MYLK4: variants seen among roughly 807,000 people sequenced by gnomAD.
MYLK4 encodes the protein myosin light chain kinase family member 4.
MYLK4 carries 46 observed loss-of-function variants against 48.1 expected under a neutral mutation model. The observed-to-expected ratio is 0.96, with a 90% CI of 0.75 to 1.22. The LOEUF is 1.22. Among genes scored for constraint, MYLK4 ranks in the 50% most tolerant of loss-of-function variants. MYLK4 has a pLI of 0.00. For synonymous variants in MYLK4, 170 were observed against 180.8 expected, an observed-to-expected ratio of 0.94 and a Z score of 0.48; for missense variants, 451 against 486.1, an observed-to-expected ratio of 0.93 and a Z score of 0.68.
the MYLK4 span, chr6:2,766,129 G>GGGCGAC: frequency 1.6e-5 from 21 of 1,325,648 alleles, no homozygotes; most frequent in East Asian, 3.1e-5. Flanking sequence ...AGGAGGCCGT[G>GGGCGAC]GGCGACGGCG....
chr6:2,685,620 G>C lies in MYLK4; in HGVS notation c.342-44C>G. 1 of 1,577,420 alleles carries C rather than the reference G, an allele frequency of 6.3e-7. No homozygotes were observed. Among genetic ancestry groups the C allele is most frequent in the Non-Finnish European group, 8.7e-7 (1 of 1,148,150 alleles). ...GGCGTAGCATGAGGCCCTGTGGTCA[G>C]CTGCCGAGTGGACAGCGCACAGTGG... On this transcript the variant is annotated intron_variant, in intron 4 of 12. Transcript: ENST00000274643. The surrounding 1 kb of genome is among the most constrained non-coding windows in gnomAD (Gnocchi z 4.5).
chr6:2,686,657 T>C (rs1761563888), intron 4 of MYLK4, among the ~76,000 whole-genome samples: 1 of 152,110 alleles, frequency 6.6e-6, no homozygotes, highest in Non-Finnish European at 1.5e-5. Context: ...ATGAAAGTCA[T>C]GGCAACGCTG....
chr6:2,715,906 TC>T (rs1403510549), intron 2 of MYLK4, among the ~76,000 whole-genome samples: 1 of 152,228 alleles, frequency 6.6e-6, no homozygotes, highest in African/African-American at 2.4e-5. Flanking sequence ...TGGGACCTGT[TC>T]CGTGCTGACC....
chr6:2,765,871 A>C, the MYLK4 span: 1 of 1,445,164 alleles, frequency 6.9e-7, no homozygotes, highest in Non-Finnish European at 9.1e-7. Flanking sequence ...TGAAGCAGCC[A>C]GCCACCCCGA....
At chr6:2,746,578 T>G (rs1311278640) in intron 2 of MYLK4, among the ~76,000 whole-genome samples, 1 of 152,228 alleles carries the variant, frequency 6.6e-6, no homozygotes, top group Non-Finnish European at 1.5e-5. Context: ...GAAACTGCAC[T>G]GCAAGCTTCC....
the MYLK4 span, chr6:2,765,549 G>A: frequency 7.3e-7 from 1 of 1,361,150 alleles, no homozygotes; most frequent in Admixed American, 3.8e-5. Context: ...GGGCCTAGCG[G>A]AGGGCATCGA....
At chr6:2,693,756 CTTTT>C (rs66817086) in intron 2 of MYLK4, among the ~76,000 whole-genome samples, 33 of 124,752 alleles carry the variant, frequency 2.6e-4, no homozygotes, top group Middle Eastern at 4.0e-3. Flanking sequence ...TGCAAATGTG[CTTTT>C]TTTTTTTTTT....
chr6:2,707,477 T>C (rs761948283), intron 2 of MYLK4, among the ~76,000 whole-genome samples: 3 of 152,192 alleles, frequency 2.0e-5, no homozygotes, highest in Non-Finnish European at 2.9e-5. Context: ...AATCGCAACA[T>C]GAAAAGTTCG....
Position 2,683,078 on chromosome 6 carries a change from C to T in MYLK4, c.630G>A (p.Gln210=), listed in dbSNP as rs367822894. 6.2e-7 allele frequency: 1 copy of T among 1,614,068 alleles called. No homozygotes were observed. The highest frequency in any genetic ancestry group is 1.3e-5 in the African/African-American group (1 of 74,922). Reference sequence around the variant, plus strand: ...GCATGTGCCTTATCCCCTCACATATCTGCTTCATGAACAGGATGGTATCAA... The same window carrying T: ...GCATGTGCCTTATCCCCTCACATATTTGCTTCATGAACAGGATGGTATCAA... ...TELDTILFMK[Q]ICEGIRHMHQ... The change falls in exon 7 of 13, where the codon CAG becomes CAA. Residue 210 remains glutamine (Q), a synonymous_variant. Coordinates refer to ENST00000274643, the MANE Select transcript of MYLK4 (RefSeq NM_001012418.5).
chr6:2,740,918 G>C (rs1385366523), intron 2 of MYLK4, among the ~76,000 whole-genome samples: 3 of 152,236 alleles, frequency 2.0e-5, no homozygotes, highest in Non-Finnish European at 4.4e-5. Context: ...TCCTGAGTCG[G>C]ATGTCCAGAG....
At chr6:2,729,578 G>A (rs1035217048) in intron 2 of MYLK4, among the ~76,000 whole-genome samples, 4 of 152,076 alleles carry the variant, frequency 2.6e-5, no homozygotes, top group African/African-American at 7.2e-5. Context: ...CCTGCCTGCC[G>A]CAGGGGGCCA....
At chr6:2,733,848 G>A (rs140352404) in intron 2 of MYLK4, among the ~76,000 whole-genome samples, 2 of 152,236 alleles carry the variant, frequency 1.3e-5, no homozygotes, top group East Asian at 1.9e-4. Flanking sequence ...CCGCGGAGAC[G>A]CTGCTTTGGT....
intron 11 of MYLK4, among the ~76,000 whole-genome samples, chr6:2,671,799 A>G (rs1369833427): frequency 2.6e-5 from 4 of 152,232 alleles, no homozygotes; most frequent in Non-Finnish European, 5.9e-5. Context: ...GAAGACAGAG[A>G]AAGAGTCTCC....
At chr6:2,767,239 G>A in the MYLK4 span, among the ~76,000 whole-genome samples, 1 of 152,206 alleles carries the variant, frequency 6.6e-6, no homozygotes, top group Non-Finnish European at 1.5e-5. Context: ...AAAAATGGAG[G>A]AGGTGAGCCA....
intron 2 of MYLK4, among the ~76,000 whole-genome samples, chr6:2,735,576 T>C (rs1763642134): frequency 1.3e-5 from 2 of 152,192 alleles, no homozygotes; most frequent in Admixed American, 1.3e-4. Context: ...ACATGTCTCA[T>C]GTGAAGGATA....
chr6:2,745,362 A>G (rs1240092153), intron 2 of MYLK4, among the ~76,000 whole-genome samples: 1 of 152,164 alleles, frequency 6.6e-6, no homozygotes, highest in Non-Finnish European at 1.5e-5. Flanking sequence ...TAGTTATGAA[A>G]CCTGTTCATC....
the MYLK4 span, among the ~76,000 whole-genome samples, chr6:2,762,752 C>T: frequency 2.6e-5 from 4 of 152,302 alleles, no homozygotes; most frequent in South Asian, 4.1e-4. Flanking sequence ...TTTCTTCTTT[C>T]TGGTAGCTTC....
chr6:2,718,243 C>A (rs538179783), intron 2 of MYLK4, among the ~76,000 whole-genome samples: 2 of 151,834 alleles, frequency 1.3e-5, no homozygotes, highest in African/African-American at 2.4e-5. Context: ...TCTAGTGCTG[C>A]GGTCTCCAAA....
At chr6:2,690,823 CTTTTTTTTTTTT>C (rs35133716) in intron 3 of MYLK4, among the ~76,000 whole-genome samples, 2 of 88,852 alleles carry the variant, frequency 2.3e-5, no homozygotes, top group East Asian at 3.6e-4. Flanking sequence ...CTCTCTGAAT[CTTTTTTTTTTTT>C]TTTTTTTTTT....
Sources: allele counts gnomAD v4.1 joint callset (sites outside exome capture counted in the v4.1 genomes callset), GRCh38; gene constraint gnomAD v4.1.1; non-coding constraint Gnocchi (gnomAD v3.1); transcripts MANE v1.5; gene names NCBI Gene and HGNC (gene_info 2026-07-23, HGNC 2026-07-21).